Variants in BICC1 observed in about 807,000 individuals in gnomAD.
BICC1 encodes protein bicaudal C homolog 1.
BICC1 carries 43 observed loss-of-function variants against 111.0 expected under a neutral mutation model. That is an observed-to-expected ratio of 0.39 (90% CI 0.30 to 0.50). BICC1 has a LOEUF of 0.50. Among genes scored for constraint, BICC1 ranks in the 20% least tolerant of loss-of-function variants. The probability of loss-of-function intolerance (pLI) is 0.88; values close to 1 mark genes in which losing one functional copy is unlikely to be tolerated. For synonymous variants in BICC1, 467 were observed against 434.4 expected (o/e 1.07, Z -0.93); for missense variants, 1,091 against 1,203.2 (o/e 0.91, Z 1.38).
At chr10:58,540,064 TATATTGAAAAATG>T (rs1229212390) in intron 1 of BICC1, among the ~76,000 whole-genome samples, 1 of 151,796 alleles carries the variant, frequency 6.6e-6, no homozygotes, top group Non-Finnish European at 1.5e-5. Flanking sequence ...AATTAGAAAA[TATATTGAAAAATG>T]AATATGAAAA....
At position 58,815,552 on chromosome 10, in the gene BICC1, A is replaced by G. The variant is rs1352221152; in HGVS notation, c.2533+1566A>G. Among the ~76,000 whole-genome samples the G allele has an allele frequency of 2.6e-5, 4 of 152,142 alleles. No homozygotes were observed. In the East Asian group the frequency reaches 7.7e-4, roughly 29 times the overall value. ...ATTGGATAATTAAATTGACTGTACT[A>G]CTCAGTTGAATAGAAGTTCAGGATT... On this transcript the variant is annotated intron_variant, in intron 18 of 20. Coordinates refer to ENST00000373886, the MANE Select transcript of BICC1 (RefSeq NM_001080512.3).
chr10:58,592,095 T>C (rs1844638814), intron 1 of BICC1, among the ~76,000 whole-genome samples: 3 of 152,196 alleles, frequency 2.0e-5, no homozygotes, highest in African/African-American at 7.2e-5. Flanking sequence ...GCAATGAAAA[T>C]TTCCACAACA....
At chr10:58,809,515 C>T (rs1843831865) in intron 17 of BICC1, among the ~76,000 whole-genome samples, 1 of 151,792 alleles carries the variant, frequency 6.6e-6, no homozygotes, top group Non-Finnish European at 1.5e-5. Flanking sequence ...GCTGGGATTA[C>T]AGGAGTGAGC....
At chr10:58,740,008 G>T (rs756595062) in intron 3 of BICC1, among the ~76,000 whole-genome samples, 13 of 152,256 alleles carry the variant, frequency 8.5e-5, no homozygotes, top group Middle Eastern at 3.4e-3. Context: ...GGGTCAGATT[G>T]TCTGTATTTG....
At chr10:58,709,815 C>T (rs1004283835) in intron 3 of BICC1, among the ~76,000 whole-genome samples, 1 of 152,120 alleles carries the variant, frequency 6.6e-6, no homozygotes, top group African/African-American at 2.4e-5. Flanking sequence ...ATGATGACTG[C>T]CTGCACTAAT....
intron 5 of BICC1, among the ~76,000 whole-genome samples, chr10:58,787,599 T>C (rs1175692885): frequency 6.6e-6 from 1 of 152,196 alleles, no homozygotes; most frequent in African/African-American, 2.4e-5. Flanking sequence ...GCGGTTTCAG[T>C]ACTTGAAGAA....
intron 2 of BICC1, among the ~76,000 whole-genome samples, chr10:58,655,975 A>G (rs1447385537): frequency 1.3e-5 from 2 of 152,024 alleles, no homozygotes; most frequent in Non-Finnish European, 2.9e-5. Flanking sequence ...AAAAAAAGAG[A>G]GAAGAATCAA....
At chr10:58,648,198 G>C (rs918129518) in intron 2 of BICC1, among the ~76,000 whole-genome samples, 24 of 152,206 alleles carry the variant, frequency 1.6e-4, no homozygotes, top group African/African-American at 5.5e-4. Context: ...TCCTCCGGTA[G>C]AGCATGGCTG....
intron 1 of BICC1, among the ~76,000 whole-genome samples, chr10:58,514,062 T>G (rs1242951308): frequency 6.6e-6 from 1 of 152,250 alleles, no homozygotes; most frequent in African/African-American, 2.4e-5. Context: ...TTTTAACTCT[T>G]TAATTTCTTT....
intron 3 of BICC1, among the ~76,000 whole-genome samples, chr10:58,752,459 G>A (rs190643548): frequency 5.3e-5 from 8 of 152,268 alleles, no homozygotes; most frequent in East Asian, 3.9e-4. Context: ...TCTTCGGAAT[G>A]CCATCAGAAC....
chr10:58,626,879 C>A lies in BICC1; in HGVS notation c.237+5978C>A, dbSNP rs554785882. The stretch of plus-strand genomic sequence containing the variant: ...CAGCACTTTGGGAGGCCGAGGTGGG[C>A]AGATCACCTGAGGTCAGGAGTTCGA... On this transcript the variant is annotated intron_variant, in intron 2 of 20. Coordinates refer to ENST00000373886, the MANE Select transcript of BICC1 (RefSeq NM_001080512.3). Among the ~76,000 whole-genome samples, 13 of 152,196 alleles carry A rather than the reference C, an allele frequency of 8.5e-5. No individual in the cohort carries two copies. The East Asian group carries it at 2.5e-3, about 30-fold the overall frequency.
At chr10:58,728,324 A>G (rs1841178060) in intron 3 of BICC1, among the ~76,000 whole-genome samples, 1 of 152,228 alleles carries the variant, frequency 6.6e-6, no homozygotes. Context: ...CAATCTTTGT[A>G]GCATCTTCAT....
At chr10:58,774,974 CT>C (rs1262093206) in intron 3 of BICC1, among the ~76,000 whole-genome samples, 1 of 152,126 alleles carries the variant, frequency 6.6e-6, no homozygotes, top group Non-Finnish European at 1.5e-5. Context: ...AAGGATAGGA[CT>C]AATTGGTCAC....
intron 3 of BICC1, among the ~76,000 whole-genome samples, chr10:58,712,284 G>A (rs1840600129): frequency 6.6e-6 from 1 of 152,112 alleles, no homozygotes; most frequent in Non-Finnish European, 1.5e-5. Context: ...TTTGGAAGAT[G>A]GTTTTGCAGT....
intron 2 of BICC1, among the ~76,000 whole-genome samples, chr10:58,694,582 G>T (rs1840014114): frequency 6.6e-6 from 1 of 152,148 alleles, no homozygotes; most frequent in South Asian, 2.1e-4. Context: ...TATCTGTATT[G>T]ACATTTTGAG....
chr10:58,673,544 G>A (rs146694985), intron 2 of BICC1, among the ~76,000 whole-genome samples: 50 of 152,300 alleles, frequency 3.3e-4, no homozygotes, highest in African/African-American at 1.2e-3. Context: ...GTTATAAAAT[G>A]CCGTGGAGCA....
intron 19 of BICC1, among the ~76,000 whole-genome samples, chr10:58,819,167 T>C (rs1844183250): frequency 6.6e-6 from 1 of 152,192 alleles, no homozygotes; most frequent in Non-Finnish European, 1.5e-5. Context: ...CGTAGTTAAG[T>C]AACTGCAACA....
intron 1 of BICC1, among the ~76,000 whole-genome samples, chr10:58,515,632 C>T (rs1427629705): frequency 2.0e-5 from 3 of 152,154 alleles, no homozygotes; most frequent in Non-Finnish European, 2.9e-5. Flanking sequence ...TAGTTGTTGA[C>T]CAAAACACAA....
At chr10:58,759,775 C>T (rs890860941) in intron 3 of BICC1, among the ~76,000 whole-genome samples, 2 of 151,880 alleles carry the variant, frequency 1.3e-5, no homozygotes, top group South Asian at 2.1e-4. Flanking sequence ...CTGGCTAACA[C>T]GGTGAAACCC....
Sources: gnomAD v4.1 joint callset for allele counts (sites outside exome capture counted in the v4.1 genomes callset) on GRCh38, gnomAD v4.1.1 for gene constraint, MANE v1.5 for transcripts, NCBI Gene and HGNC (gene_info 2026-07-23, HGNC 2026-07-21) for gene names.